VTN: variants seen among roughly 807,000 people sequenced by gnomAD.
VTN encodes complement S-protein.
In VTN, 45 loss-of-function variants were observed where a neutral mutation model predicts 55.9. That is an observed-to-expected ratio of 0.80 (90% CI 0.63 to 1.03). The LOEUF (loss-of-function observed/expected upper bound fraction) is 1.03. Among genes scored for constraint, VTN ranks in the 50% least tolerant of loss-of-function variants. The pLI, the probability that VTN is intolerant of heterozygous loss-of-function variation, is 0.00. For synonymous variants in VTN, 238 were observed against 242.3 expected, an observed-to-expected ratio of 0.98 and a Z score of 0.17; for missense variants, 589 against 638.2, an observed-to-expected ratio of 0.92 and a Z score of 0.83.
In VTN at chr17:28,369,724, G is replaced by C; in HGVS notation, c.312C>G (p.Ala104=). 2 of 1,613,916 alleles carry C rather than the reference G, an allele frequency of 1.2e-6. No individual in the cohort carries two copies. Among genetic ancestry groups the C allele is most frequent in the Non-Finnish European group, 1.7e-6 (2 of 1,180,022 alleles). The part of the protein sequence containing the change: ...GGPSLTSDLQ[A]QSKGNPEQTP... ...TCTGCTCAGGATTCCCTTTGGACTGGGCCTGGAGGTCAGAGGTCAGGGAGG... is the reference window on the plus strand; with the variant it reads ...TCTGCTCAGGATTCCCTTTGGACTGCGCCTGGAGGTCAGAGGTCAGGGAGG... Residue 104 remains alanine (A), a synonymous_variant, in exon 3 of 8, where the codon GCC becomes GCG. Coordinates refer to ENST00000226218, the MANE Select transcript of VTN (RefSeq NM_000638.4). This position sits in a 1 kb window ranked among gnomAD's most constrained non-coding sequence, Gnocchi z 5.3.
In VTN at chr17:28,368,108, C is replaced by T; in HGVS notation, c.980-49G>A. 4 of 1,483,564 alleles carry T rather than the reference C, an allele frequency of 2.7e-6. No individual in the cohort carries two copies. In the South Asian group the frequency reaches 5.2e-5, roughly 19 times the overall value. The allele number at this position is 1,483,564 out of a possible 1,614,324, so 91.9% of individuals were successfully genotyped here. On this transcript the variant is annotated intron_variant, in intron 6 of 7. Coordinates refer to ENST00000226218, the MANE Select transcript of VTN (RefSeq NM_000638.4). The stretch of plus-strand genomic sequence containing the variant: ...AGAGGTCTTGGGGGTCCGAATCTTG[C>T]CCCTTCCAGCGGGGCCATTAGAGTT...
Position 28,369,948 on chromosome 17 carries a change from T to C in VTN, c.163A>G (p.Thr55Ala). 1 of 1,614,102 alleles carries C rather than the reference T, an allele frequency of 6.2e-7. No individual in the cohort carries two copies. ...SYYQSCCTDY[T>A]AECKPQVTRG... ...ACACCTTGGGGCTTGCACTCAGCCGTATAGTCTGTGCAGCAGCTCTGGTAG... is the reference window on the plus strand; with the variant it reads ...ACACCTTGGGGCTTGCACTCAGCCGCATAGTCTGTGCAGCAGCTCTGGTAG... Residue 55 changes from threonine (T) to alanine (A), a missense_variant, in exon 2 of 8, where the codon ACG becomes GCG. Physicochemically the swap from Thr to Ala is moderately conservative, Grantham distance 58. Around this residue, in one of 3 missense-constraint regions of VTN, gnomAD observed 217 missense variants for 241.3 expected, o/e 0.90. Coordinates refer to ENST00000226218, the MANE Select transcript of VTN (RefSeq NM_000638.4). This position sits in a 1 kb window ranked among gnomAD's most constrained non-coding sequence, Gnocchi z 5.3.
chr17:28,369,667 A>T lies in VTN; in HGVS notation c.369T>A (p.Pro123=), dbSNP rs1433453504. 23 of 1,613,676 alleles carry T rather than the reference A, an allele frequency of 1.4e-5. No homozygotes were observed. The highest frequency in any genetic ancestry group is 1.9e-5 in the Non-Finnish European group (23 of 1,179,996). The stretch of plus-strand genomic sequence containing the variant: ...GCTTAGAGGCGCCCACCTCAGGCGC[A>T]GGGGCCTCTTCCTCAGGTTTCAGAA... ...TPVLKPEEEA[P]APEVGASKPE... The change falls in exon 3 of 8, where the codon CCT becomes CCA. Residue 123 remains proline (P), a synonymous_variant. Coordinates refer to ENST00000226218, the MANE Select transcript of VTN (RefSeq NM_000638.4). The surrounding 1 kb of genome is among the most constrained non-coding windows in gnomAD (Gnocchi z 5.3).
In VTN at chr17:28,368,079, A is replaced by C; in HGVS notation, c.980-20T>G. 2 of 1,551,504 alleles carry C rather than the reference A, an allele frequency of 1.3e-6. No individual in the cohort carries two copies. The highest frequency in any genetic ancestry group is 2.4e-5 in the South Asian group (2 of 83,804). ...TACCAGCTGTGGCAGGGAAGGGGTG[A>C]ATGAGAGGTCTTGGGGGTCCGAATC... On this transcript the variant is annotated intron_variant, in intron 6 of 7. Transcript: ENST00000226218.
Position 28,369,810 on chromosome 17 carries a change from T to G in VTN, c.226A>C (p.Thr76Pro). ...DVFTMPEDEY[T>P]VYDDGEEKNN... Reference sequence around the variant, plus strand: ...TTCTCCTCGCCATCGTCATAGACCGTGTACTCATCCTCCGGCATAGTGAAC... The same window carrying G: ...TTCTCCTCGCCATCGTCATAGACCGGGTACTCATCCTCCGGCATAGTGAAC... Residue 76 changes from threonine (T) to proline (P), a missense_variant, in exon 3 of 8, where the codon ACG becomes CCG. Physicochemically the swap from Thr to Pro is conservative, Grantham distance 38. Coordinates refer to ENST00000226218, the MANE Select transcript of VTN (RefSeq NM_000638.4). This position sits in a 1 kb window ranked among gnomAD's most constrained non-coding sequence, Gnocchi z 5.3. 6.2e-7 allele frequency: 1 copy of G among 1,613,806 alleles called. No homozygotes were observed. Among genetic ancestry groups the G allele is most frequent in the Non-Finnish European group, 8.5e-7 (1 of 1,179,800 alleles).
Position 28,370,221 on chromosome 17 carries a change from A to G in VTN, c.-18T>C. The G allele has an allele frequency of 6.2e-7, 1 of 1,605,748 alleles. No individual in the cohort carries two copies. The highest frequency in any genetic ancestry group is 1.1e-5 in the South Asian group (1 of 90,182). On this transcript the variant is annotated 5_prime_UTR_variant, in exon 1 of 8. Transcript: ENST00000226218. Reference sequence around the variant, plus strand: ...GGTGCCATGGCAGGGCTTCTAGCTCAGTGCCTGGCAAGCTGGGCTCTGGTC... The same window carrying G: ...GGTGCCATGGCAGGGCTTCTAGCTCGGTGCCTGGCAAGCTGGGCTCTGGTC...
In VTN at chr17:28,369,406, G is replaced by A. The variant is rs529852776; in HGVS notation, c.552C>T (p.Asp184=). The change falls in exon 4 of 8, where the codon GAC becomes GAT. Residue 184 remains aspartate, a synonymous_variant. Coordinates refer to ENST00000226218, the MANE Select transcript of VTN (RefSeq NM_000638.4). This position sits in a 1 kb window ranked among gnomAD's most constrained non-coding sequence, Gnocchi z 5.3. ...AFRGQYCYEL[D]EKAVRPGYPK... ...GGTACCCAGGCCTCACTGCCTTTTCGTCCAGTTCATAGCAGTACTGCCCTA... is the reference window on the plus strand; with the variant it reads ...GGTACCCAGGCCTCACTGCCTTTTCATCCAGTTCATAGCAGTACTGCCCTA... 2.1e-5 allele frequency: 33 copies of A among 1,600,322 alleles called. No individual in the cohort carries two copies. Among genetic ancestry groups the A allele is most frequent in the Middle Eastern group, 1.7e-4 (1 of 6,018 alleles).
In VTN at chr17:28,369,455, C is replaced by T. The variant is rs781798269; in HGVS notation, c.530-27G>A. The T allele has an allele frequency of 6.3e-7, 1 of 1,587,484 alleles. No individual in the cohort carries two copies. Among genetic ancestry groups the T allele is most frequent in the Non-Finnish European group, 8.6e-7 (1 of 1,164,934 alleles). ...TAGAGTGGAGGAGATGGTGTGAGAG[C>T]AGGGACGCTCCTGGGGCAGACCCGC... On this transcript the variant is annotated intron_variant, in intron 3 of 7. Transcript: ENST00000226218. The surrounding 1 kb of genome is among the most constrained non-coding windows in gnomAD (Gnocchi z 5.3).
Position 28,369,101 on chromosome 17 carries a change from AG to A in VTN, c.670-74del. The A allele has an allele frequency of 6.6e-7, 1 of 1,522,430 alleles. No individual in the cohort carries two copies. The allele number at this position is 1,522,430 out of a possible 1,614,324, so 94.3% of individuals were successfully genotyped here. On this transcript the variant is annotated intron_variant, in intron 4 of 7. Coordinates refer to ENST00000226218, the MANE Select transcript of VTN (RefSeq NM_000638.4). The surrounding 1 kb of genome is among the most constrained non-coding windows in gnomAD (Gnocchi z 5.3). ...CACAGAGGCAGAGTCCCTTGCCCTA[AG>A]GCAGCCGTTCCCAGGTCCAGGTTCA...
chr17:28,367,596 A>G (rs2067915182), intron 7 of VTN, 115 bp from the exon 8 acceptor site: 3 of 1,399,474 alleles, frequency 2.1e-6, no homozygotes, highest in Admixed American at 1.9e-5. Context: ...GATGCAGCTA[A>G]GGACTTCTGG....
At position 28,368,945 on chromosome 17, in the gene VTN, C is replaced by T. The variant is rs376014746; in HGVS notation, c.753G>A (p.Pro251=). The T allele has an allele frequency of 2.4e-5, 39 of 1,603,854 alleles. No homozygotes were observed. The highest frequency in any genetic ancestry group is 8.9e-5 in the East Asian group (4 of 44,862). The stretch of plus-strand genomic sequence containing the variant: ...GGGCCAAGGCTGCATCCACGTTGTC[C>T]GGGATGCCATCGAAGCCGTCAGAGA... ...RNISDGFDGI[P]DNVDAALALP... is the part of the protein sequence containing the mutation. The change falls in exon 5 of 8, where the codon CCG becomes CCA. Residue 251 remains proline (P), a synonymous_variant. Transcript: ENST00000226218.
chr17:28,368,410 C>T (rs781988527), intron 6 of VTN, 111 bp downstream of exon 6: 2 of 1,465,512 alleles, frequency 1.4e-6, no homozygotes, highest in Non-Finnish European at 1.9e-6. Flanking sequence ...AGCAAACAGA[C>T]TTTGATCGAT....
rs1555583177 is a variant in VTN at position 28,367,474 on chromosome 17, G to C, written c.1332C>G (p.Tyr444Ter). The stretch of plus-strand genomic sequence containing the variant: ...GCCGTGTGCGAAGATTGACTCGGTA[G>C]TACTTGTCTGGAAGAGAGGAAAGCA... ...QSVFFFSGDK[Y>*]YRVNLRTRRV... The change falls in exon 8 of 8, where the codon TAC becomes TAG. Residue 444 changes from tyrosine to a stop codon, truncating the protein, a stop_gained. Coordinates refer to ENST00000226218, the MANE Select transcript of VTN (RefSeq NM_000638.4). LOFTEE classifies it high-confidence loss of function. 6.2e-7 allele frequency: 1 copy of C among 1,613,252 alleles called. No homozygotes were observed. The highest frequency in any genetic ancestry group is 1.3e-5 in the African/African-American group (1 of 74,890).
rs782558128 is a variant in VTN, at chr17:28,367,901, G to C, written c.1138C>G (p.Arg380Gly). 3.1e-6 allele frequency: 5 copies of C among 1,613,044 alleles called. No individual in the cohort carries two copies. The highest frequency in any genetic ancestry group is 8.5e-7 in the Non-Finnish European group (1 of 1,179,508). Residue 380 changes from arginine to glycine, a missense_variant, in exon 7 of 8, where the codon CGT becomes GGT. Physicochemically the swap from Arg to Gly is moderately radical, Grantham distance 125 (BLOSUM62 -2). Around this residue, in one of 3 missense-constraint regions of VTN, gnomAD observed 334 missense variants for 328.2 expected, o/e 1.02. Transcript: ENST00000226218. ...RFRHRNRKGY[R>G]SQRGHSRGRN... ...CCACGGCTGTGGCCTCGTTGTGAAC[G>C]GTAGCCTTTGCGGTTGCGATGCCTA...
In VTN at chr17:28,369,892, G is replaced by C. The variant is rs1328322837; in HGVS notation, c.184+35C>G. 1 of 1,612,272 alleles carries C rather than the reference G, an allele frequency of 6.2e-7. No individual in the cohort carries two copies. Among genetic ancestry groups the C allele is most frequent in the African/African-American group, 1.3e-5 (1 of 74,898 alleles). On this transcript the variant is annotated intron_variant, in intron 2 of 7. Transcript: ENST00000226218. The surrounding 1 kb of genome is among the most constrained non-coding windows in gnomAD (Gnocchi z 5.3). ...GGTAGTGAGTCTCCAGCAGCAGGGG[G>C]CACCCCAGCCCACCCACCTGGGCTC...
At chr17:28,368,731 C>G in intron 5 of VTN, 58 bp from the exon 6 acceptor site, 1 of 1,609,798 alleles carries the variant, frequency 6.2e-7, no homozygotes, top group Non-Finnish European at 8.5e-7. Flanking sequence ...CTGGAGATCC[C>G]AGAGGCTGTT....
chr17:28,367,829 A>C lies in VTN; in HGVS notation c.1210T>G (p.Leu404Val). Residue 404 changes from leucine to valine, a missense_variant, in exon 7 of 8, where the codon TTG becomes GTG. This residue lies in a region of VTN where 334 missense variants were observed against 328.2 expected (regional missense o/e 1.02). Transcript: ENST00000226218. ...RRPSRATWLSLFSSEESNLGA... is the reference protein window; with the variant it reads ...RRPSRATWLSVFSSEESNLGA... ...AAGTTGCTCTCCTCACTGGAGAACA[A>C]GGACAGCCACGTGGCGCGGGATGGC... The C allele has an allele frequency of 6.2e-7, 1 of 1,614,206 alleles. No individual in the cohort carries two copies. The highest frequency in any genetic ancestry group is 1.1e-5 in the South Asian group (1 of 91,092).
rs782005192 is a variant in VTN, at chr17:28,369,541, G to A, written c.495C>T (p.Thr165=). 17 of 1,609,522 alleles carry A rather than the reference G, an allele frequency of 1.1e-5. No individual in the cohort carries two copies. The highest frequency in any genetic ancestry group is 1.4e-5 in the Non-Finnish European group (16 of 1,179,406). ...CAAAGAGGGAACCGTTCTTGAGGTCGGTGAAGGCGTCGAAGGGCTTCCCAC... is the reference window on the plus strand; with the variant it reads ...CAAAGAGGGAACCGTTCTTGAGGTCAGTGAAGGCGTCGAAGGGCTTCCCAC... ...LCSGKPFDAF[T]DLKNGSLFAF... The change falls in exon 3 of 8, where the codon ACC becomes ACT. Residue 165 remains threonine, a synonymous_variant. Transcript: ENST00000226218. This position sits in a 1 kb window ranked among gnomAD's most constrained non-coding sequence, Gnocchi z 5.3.
Position 28,369,353 on chromosome 17 carries a change from A to G in VTN, c.605T>C (p.Ile202Thr). ...YPKLIRDVWG[I>T]EGPIDAAFTR... is the part of the protein sequence containing the mutation. The stretch of plus-strand genomic sequence containing the variant: ...GAAGGCGGCATCGATGGGGCCCTCG[A>G]TGCCCCAGACATCTCGGATGAGCTT... The change falls in exon 4 of 8, where the codon ATC becomes ACC. Residue 202 changes from isoleucine (I) to threonine (T), a missense_variant. By Grantham distance (89) the Ile-to-Thr change is moderately conservative (BLOSUM62 -1). This residue lies in a region of VTN where 38 missense variants were observed against 68.8 expected (regional missense o/e 0.55). Coordinates refer to ENST00000226218, the MANE Select transcript of VTN (RefSeq NM_000638.4). The surrounding 1 kb of genome is among the most constrained non-coding windows in gnomAD (Gnocchi z 5.3). 6.2e-7 allele frequency: 1 copy of G among 1,607,524 alleles called. No homozygotes were observed. The highest frequency in any genetic ancestry group is 8.5e-7 in the Non-Finnish European group (1 of 1,174,990).
Sources: allele counts gnomAD v4.1 joint callset, GRCh38; gene constraint gnomAD v4.1.1; regional missense constraint gnomAD v4.1.1; non-coding constraint Gnocchi (gnomAD v3.1); transcripts MANE v1.5; gene names NCBI Gene and HGNC (gene_info 2026-07-23, HGNC 2026-07-21).